The following TRIO variants were observed in gnomAD, a reference collection of about 807,000 sequenced individuals.
The protein encoded by TRIO is trio Rho guanine nucleotide exchange factor, also known as triple functional domain protein.
In TRIO, 58 loss-of-function variants were observed where a neutral mutation model predicts 351.9. The ratio of observed to expected loss-of-function variants is 0.16; its 90% CI spans 0.13 to 0.21. The LOEUF (loss-of-function observed/expected upper bound fraction) is 0.21, where lower values mean the gene tolerates loss of function less well. TRIO is among the 10% of genes least tolerant of loss of function. The pLI is 1.00. For synonymous variants in TRIO, 1,758 were observed against 1,595.7 expected, an observed-to-expected ratio of 1.10 and a Z score of -2.42; for missense variants, 3,201 against 4,027.8, an observed-to-expected ratio of 0.79 and a Z score of 5.56.
In TRIO at chr5:14,277,278, T is replaced by TA. The variant is rs1446963570; in HGVS notation, c.233-3044_233-3043insA. On this transcript the variant is annotated intron_variant, in intron 2 of 56. Coordinates refer to ENST00000344204, the MANE Select transcript of TRIO (RefSeq NM_007118.4). ...AAATAAGATTGGTTATAGGAGAGGA[T>TA]GCAGGTTTATGTGAACTGAAAGTAA... Among the ~76,000 whole-genome samples the TA allele has an allele frequency of 5.2e-3, 790 of 152,342 alleles. 6 individuals are homozygous for TA. Among genetic ancestry groups the TA allele is most frequent in the African/African-American group, 0.017 (707 of 41,584 alleles).
At chr5:14,467,621 G>C (rs747534911) in intron 37 of TRIO, among the ~76,000 whole-genome samples, 1 of 152,066 alleles carries the variant, frequency 6.6e-6, no homozygotes, top group East Asian at 1.9e-4. Context: ...TTCGAGACCA[G>C]CCTGGGAAAC....
intron 9 of TRIO, among the ~76,000 whole-genome samples, chr5:14,319,881 A>C (rs1006486437): frequency 6.6e-6 from 1 of 152,166 alleles, no homozygotes; most frequent in Admixed American, 6.5e-5. Flanking sequence ...TTCCCCTCTT[A>C]ATAAGCGGGG....
At chr5:14,418,102 A>T (rs1430220248) in intron 33 of TRIO, among the ~76,000 whole-genome samples, 1 of 152,180 alleles carries the variant, frequency 6.6e-6, no homozygotes, top group Non-Finnish European at 1.5e-5. Context: ...TTGAAGTGCC[A>T]TGGAGGACAG....
At chr5:14,486,084 C>T (rs527709338) in intron 47 of TRIO, among the ~76,000 whole-genome samples, 2 of 152,268 alleles carry the variant, frequency 1.3e-5, no homozygotes, top group African/African-American at 4.8e-5. Flanking sequence ...GCCACACTAC[C>T]CTTCCATTGC....
At chr5:14,303,878 C>T (rs776232096) in intron 7 of TRIO, among the ~76,000 whole-genome samples, 34 of 152,290 alleles carry the variant, frequency 2.2e-4, no homozygotes, top group Admixed American at 5.9e-4. Flanking sequence ...TTCTTGGTCT[C>T]CTTTTAATTC....
chr5:14,488,432 T>A (rs1756213232), intron 48 of TRIO, 172 bp downstream of exon 48: 1 of 902,486 alleles, frequency 1.1e-6, no homozygotes, highest in Non-Finnish European at 1.6e-6. Context: ...ACGGCGCTAC[T>A]AACTACTCCT....
chr5:14,268,171 C>T (rs1047245739), intron 1 of TRIO, among the ~76,000 whole-genome samples: 1 of 152,168 alleles, frequency 6.6e-6, no homozygotes, highest in Non-Finnish European at 1.5e-5. Flanking sequence ...GAGAGGGAGT[C>T]CATGACTCAT....
At chr5:14,238,386 G>A (rs561070089) in intron 1 of TRIO, among the ~76,000 whole-genome samples, 2 of 152,212 alleles carry the variant, frequency 1.3e-5, no homozygotes, top group African/African-American at 4.8e-5. Context: ...CTCCTGCATG[G>A]TATGGTGTTA....
At chr5:14,418,472 C>T (rs777045276) in intron 33 of TRIO, among the ~76,000 whole-genome samples, 5 of 152,014 alleles carry the variant, frequency 3.3e-5, no homozygotes, top group Non-Finnish European at 7.4e-5. Flanking sequence ...AACATCTGCT[C>T]GACAGCATTT....
intron 34 of TRIO, 63 bp from the exon 35 acceptor site, chr5:14,460,956 C>T: frequency 6.9e-7 from 1 of 1,450,418 alleles, no homozygotes; most frequent in East Asian, 2.5e-5. Flanking sequence ...GGGATAATGG[C>T]ATGGTCTTCA....
intron 41 of TRIO, among the ~76,000 whole-genome samples, chr5:14,479,042 G>C (rs551866227): frequency 6.6e-6 from 1 of 152,144 alleles, no homozygotes; most frequent in Non-Finnish European, 1.5e-5. Context: ...GAAGGGTTTG[G>C]TGTGTATGGA....
intron 33 of TRIO, among the ~76,000 whole-genome samples, chr5:14,408,178 C>CT (rs984867028): frequency 6.6e-6 from 1 of 152,188 alleles, no homozygotes; most frequent in African/African-American, 2.4e-5. Context: ...CGTGGCACAT[C>CT]TTTTAGTCCC....
chr5:14,498,725 A>G, intron 53 of TRIO, 85 bp downstream of exon 53: 4 of 1,561,904 alleles, frequency 2.6e-6, no homozygotes, highest in Non-Finnish European at 3.5e-6. Context: ...CTGCCCTTAC[A>G]CTCCAAGTGG....
intron 4 of TRIO, among the ~76,000 whole-genome samples, chr5:14,290,387 CT>C (rs1352950016): frequency 6.6e-6 from 1 of 152,172 alleles, no homozygotes; most frequent in Admixed American, 6.5e-5. Flanking sequence ...AACCTGTTTC[CT>C]AGTTTAATGT....
At chr5:14,412,823 A>G (rs1459258748) in intron 33 of TRIO, among the ~76,000 whole-genome samples, 1 of 152,212 alleles carries the variant, frequency 6.6e-6, no homozygotes, top group Non-Finnish European at 1.5e-5. Context: ...CATAGCATAT[A>G]CAACACACCT....
chr5:14,278,465 A>G (rs1197227996), intron 2 of TRIO, among the ~76,000 whole-genome samples: 1 of 152,172 alleles, frequency 6.6e-6, no homozygotes, highest in East Asian at 1.9e-4. Flanking sequence ...AAAATTCAGA[A>G]CTGTGGTCGA....
chr5:14,234,503 G>A (rs752033049), intron 1 of TRIO, among the ~76,000 whole-genome samples: 2 of 152,222 alleles, frequency 1.3e-5, no homozygotes, highest in Admixed American at 6.5e-5. Context: ...TGCAATCTCA[G>A]TAGATACCTG....
intron 1 of TRIO, among the ~76,000 whole-genome samples, chr5:14,169,392 C>T (rs59032427): frequency 0.037 from 5,574 of 151,824 alleles, 377 homozygotes; most frequent in African/African-American, 0.13. Context: ...CCTAACTCTC[C>T]CCTTTGACCC....
chr5:14,481,319 C>T, intron 44 of TRIO, 35 bp downstream of exon 44: 2 of 1,609,934 alleles, frequency 1.2e-6, no homozygotes, highest in East Asian at 2.2e-5. Context: ...ACCCAAATCC[C>T]CACCAGCCTC....
Sources: gnomAD v4.1 joint callset for allele counts (sites outside exome capture counted in the v4.1 genomes callset) on GRCh38, gnomAD v4.1.1 for gene constraint, MANE v1.5 for transcripts, NCBI Gene and HGNC (gene_info 2026-07-23, HGNC 2026-07-21) for gene names.